The following CELSR3 variants were observed in gnomAD, a reference collection of about 807,000 sequenced individuals.
CELSR3 encodes EGF-like protein 1.
Under a neutral mutation model 270.0 loss-of-function variants are expected in CELSR3, and 73 were observed. That is an observed-to-expected ratio of 0.27 (90% CI 0.22 to 0.33). The LOEUF (loss-of-function observed/expected upper bound fraction) is 0.33. CELSR3 is among the 10% of genes least tolerant of loss of function. The pLI, the probability that CELSR3 is intolerant of heterozygous loss-of-function variation, is 1.00. For synonymous variants in CELSR3, 1,780 were observed against 1,905.4 expected, an observed-to-expected ratio of 0.93 and a Z score of 1.71; for missense variants, 3,614 against 4,533.8, an observed-to-expected ratio of 0.80 and a Z score of 5.83.
Position 48,638,382 on chromosome 3 carries a change from A to G in CELSR3, c.9912-150T>C, listed in dbSNP as rs913086251. 1.4e-5 allele frequency: 9 copies of G among 662,962 alleles called. 1 individual carries two copies. The East Asian group carries it at 2.4e-4, about 18-fold the overall frequency. 41.1% of individuals were successfully genotyped at this position (662,962 alleles called of 1,614,324 possible). A position where few individuals can be genotyped will look rare whatever the true frequency, so the allele number is the denominator to read the frequency against. On this transcript the variant is annotated intron_variant, in intron 34 of 34. Coordinates refer to ENST00000164024, the MANE Select transcript of CELSR3 (RefSeq NM_001407.3). Reference sequence around the variant, plus strand: ...CCCCCAGCCCCTTCATGCCCACTCCAGGGTTCTCAGAGTCCTCCATTCCGC... The same window carrying G: ...CCCCCAGCCCCTTCATGCCCACTCCGGGGTTCTCAGAGTCCTCCATTCCGC...
rs2047142474 is a variant in CELSR3, at chr3:48,652,054, GAC to G, written c.5752-8_5752-7del. ...GTGGAGCCGAGCCACACCCCCTGTG[GAC>G]ACACAGCCAGCAAGGGGTGAGACCA... On this transcript the variant is annotated splice_region_variant and splice_polypyrimidine_tract_variant and intron_variant, in intron 11 of 34. Coordinates refer to ENST00000164024, the MANE Select transcript of CELSR3 (RefSeq NM_001407.3). The surrounding 1 kb of genome is among the most constrained non-coding windows in gnomAD (Gnocchi z 4.3). 1 of 1,531,902 alleles carries G rather than the reference GAC, an allele frequency of 6.5e-7. No homozygotes were observed. The highest frequency in any genetic ancestry group is 8.7e-7 in the Non-Finnish European group (1 of 1,144,502). 94.9% of individuals were successfully genotyped at this position (1,531,902 alleles called of 1,614,324 possible).
rs774477406 is a variant in CELSR3 at position 48,660,503 on chromosome 3, C to T, written c.2132G>A (p.Ser711Asn). The T allele has an allele frequency of 6.2e-7, 1 of 1,614,172 alleles. No individual in the cohort carries two copies. The highest frequency in any genetic ancestry group is 2.2e-5 in the East Asian group (1 of 44,882). ...INSATGWVSV[S>N]GPLDRESVEH... ...CACAGACTCACGGTCCAGGGGACCA[C>T]TCACAGAGACCCAGCCAGTGGCGCT... The change falls in exon 1 of 35, where the codon AGT becomes AAT. Residue 711 changes from serine (S) to asparagine (N), a missense_variant. By Grantham distance (46) the Ser-to-Asn change is conservative (BLOSUM62 1). Transcript: ENST00000164024. The surrounding 1 kb of genome is among the most constrained non-coding windows in gnomAD (Gnocchi z 5.5).
chr3:48,651,455 G>C lies in CELSR3; in HGVS notation c.6090C>G (p.Gly2030=), dbSNP rs1443273083. The change falls in exon 14 of 35, where the codon GGC becomes GGG. Residue 2030 remains glycine, a synonymous_variant. Transcript: ENST00000164024. The surrounding 1 kb of genome is among the most constrained non-coding windows in gnomAD (Gnocchi z 7.4). ...GGCCACAGGTTGGGCTCCCCCACCA[G>C]CCCCGTGGGCACTGCTGGTCCATCC... is the stretch of plus-strand genomic sequence containing the variant. The part of the protein sequence containing the change: ...EHRMDQQCPR[G]WWGSPTCGPC... 6.2e-7 allele frequency: 1 copy of C among 1,613,906 alleles called. No individual in the cohort carries two copies. The highest frequency in any genetic ancestry group is 2.2e-5 in the East Asian group (1 of 44,878).
chr3:48,649,297 G>C, intron 16 of CELSR3, 82 bp from the exon 17 acceptor site: 1 of 1,127,016 alleles, frequency 8.9e-7, no homozygotes. Flanking sequence ...CTCCTATGCT[G>C]GGGGAATCCC....
rs777900048 is a variant in CELSR3 at position 48,645,144 on chromosome 3, G to C, written c.7863C>G (p.Phe2621Leu). The C allele has an allele frequency of 3.7e-6, 6 of 1,600,114 alleles. No individual in the cohort carries two copies. The highest frequency in any genetic ancestry group is 5.1e-6 in the Non-Finnish European group (6 of 1,169,492). Residue 2621 changes from phenylalanine (F) to leucine (L), a missense_variant, in exon 25 of 35, where the codon TTC becomes TTG. Phe to Leu is a conservative substitution (Grantham distance 22, BLOSUM62 0). This residue lies in a region of CELSR3 where 1,240 missense variants were observed against 1,351.7 expected (regional missense o/e 0.92). Coordinates refer to ENST00000164024, the MANE Select transcript of CELSR3 (RefSeq NM_001407.3). This position sits in a 1 kb window ranked among gnomAD's most constrained non-coding sequence, Gnocchi z 5.4. ...TGCGGTAGAGGTGCAGCCCCTGCAC[G>C]AAGAGCCACGCGAAGGTGCTGAGGA... ...YFFLSTFAWLFVQGLHLYRMQ... is the reference protein window; with the variant it reads ...YFFLSTFAWLLVQGLHLYRMQ...
rs1235123293 is a variant in CELSR3, at chr3:48,661,802, G to C, written c.833C>G (p.Ser278Cys). 6.2e-7 allele frequency: 1 copy of C among 1,608,612 alleles called. No individual in the cohort carries two copies. Among genetic ancestry groups the C allele is most frequent in the Non-Finnish European group, 8.5e-7 (1 of 1,179,178 alleles). ...APEPAPKRMR[S>C]RGLFRCRFLP... is the part of the protein sequence containing the mutation. ...GAAGCGGCAGCGGAAGAGACCCCGG[G>C]AGCGCATGCGCTTGGGCGCCGGCTC... Residue 278 changes from serine (S) to cysteine (C), a missense_variant, in exon 1 of 35, where the codon TCC becomes TGC. Physicochemically the swap from Ser to Cys is moderately radical, Grantham distance 112. This residue lies in a region of CELSR3 where 470 missense variants were observed against 469.7 expected (regional missense o/e 1.00). Transcript: ENST00000164024.
At position 48,644,924 on chromosome 3, in the gene CELSR3, C is replaced by A. The variant is rs2047065169; in HGVS notation, c.7973-96G>T. 9.9e-6 allele frequency: 15 copies of A among 1,514,120 alleles called. No individual in the cohort carries two copies. In the South Asian group the frequency reaches 1.8e-4, roughly 18 times the overall value. The allele number at this position is 1,514,120 out of a possible 1,614,324, so 93.8% of individuals were successfully genotyped here. A position where few individuals can be genotyped will look rare whatever the true frequency, so the allele number is the denominator to read the frequency against. ...AGCATGGGTGAGGGCAGAGCAGCAA[C>A]CCCATGAATAGATGGCTTGGGGTTT... is the stretch of plus-strand genomic sequence containing the variant. On this transcript the variant is annotated intron_variant, in intron 25 of 34. Coordinates refer to ENST00000164024, the MANE Select transcript of CELSR3 (RefSeq NM_001407.3). This position sits in a 1 kb window ranked among gnomAD's most constrained non-coding sequence, Gnocchi z 4.8.
Position 48,640,907 on chromosome 3 carries a change from C to G in CELSR3, c.9026-348G>C, listed in dbSNP as rs2047020300. On this transcript the variant is annotated intron_variant, in intron 33 of 34. Coordinates refer to ENST00000164024, the MANE Select transcript of CELSR3 (RefSeq NM_001407.3). This position sits in a 1 kb window ranked among gnomAD's most constrained non-coding sequence, Gnocchi z 7.5. ...AAATGCAGGAACCCCCCGGGTTGGA[C>G]AGGAGCAGTCCCCAGGTCCCTGTGA... 4.7e-6 allele frequency: 2 copies of G among 425,316 alleles called. No homozygotes were observed. The highest frequency in any genetic ancestry group is 4.2e-6 in the Non-Finnish European group (1 of 237,458). 26.3% of individuals were successfully genotyped at this position (425,316 alleles called of 1,614,324 possible). A position where few individuals can be genotyped will look rare whatever the true frequency, so the allele number is the denominator to read the frequency against.
intron 16 of CELSR3, among the ~76,000 whole-genome samples, chr3:48,649,750 A>T (rs1311212855): frequency 6.6e-6 from 1 of 152,148 alleles, no homozygotes; most frequent in African/African-American, 2.4e-5. Flanking sequence ...ATGAGAATTG[A>T]CTTGGATCTT....
In CELSR3 at chr3:48,652,965, G is replaced by A. The variant is rs1300339640; in HGVS notation, c.5634+37C>T. On this transcript the variant is annotated intron_variant, in intron 10 of 34. Transcript: ENST00000164024. The surrounding 1 kb of genome is among the most constrained non-coding windows in gnomAD (Gnocchi z 4.3). Reference sequence around the variant, plus strand: ...TCAAATAAGGCGGATCTGGTTGGAAGGCTGAGAACAGACTACCCCGGGGTC... The same window carrying A: ...TCAAATAAGGCGGATCTGGTTGGAAAGCTGAGAACAGACTACCCCGGGGTC... 6.3e-7 allele frequency: 1 copy of A among 1,580,708 alleles called. No homozygotes were observed. The highest frequency in any genetic ancestry group is 1.1e-5 in the South Asian group (1 of 89,754).
chr3:48,650,832 C>T lies in CELSR3; in HGVS notation c.6370+60G>A, dbSNP rs1054050348. 5.8e-6 allele frequency: 9 copies of T among 1,547,254 alleles called. No homozygotes were observed. Among genetic ancestry groups the T allele is most frequent in the East Asian group, 2.3e-5 (1 of 44,420 alleles). On this transcript the variant is annotated intron_variant, in intron 15 of 34. Coordinates refer to ENST00000164024, the MANE Select transcript of CELSR3 (RefSeq NM_001407.3). The surrounding 1 kb of genome is among the most constrained non-coding windows in gnomAD (Gnocchi z 5.1). ...CAAGGAGCCATGTGTGCCACTGACA[C>T]GTGATGGTGGCACACTGGAACCAGC...
In CELSR3 at chr3:48,640,329, C is replaced by T; in HGVS notation, c.9256G>A (p.Glu3086Lys). Residue 3086 changes from glutamate (E) to lysine (K), a missense_variant, in exon 34 of 35, where the codon GAG (glutamate) becomes AAG (lysine). By Grantham distance (56) the Glu-to-Lys change is moderately conservative (BLOSUM62 1). This residue lies in a region of CELSR3 where 1,240 missense variants were observed against 1,351.7 expected (regional missense o/e 0.92). Transcript: ENST00000164024. The surrounding 1 kb of genome is among the most constrained non-coding windows in gnomAD (Gnocchi z 7.5). ...CGTAGAACAGGGGCAGGGGCTTCCTCTAGTCGCTCACGGCTCAGTTGCCGC... is the reference window on the plus strand; with the variant it reads ...CGTAGAACAGGGGCAGGGGCTTCCTTTAGTCGCTCACGGCTCAGTTGCCGC... ...LRRQLSRERL[E>K]EAPAPVLRPL... The T allele has an allele frequency of 6.2e-6, 10 of 1,612,616 alleles. No homozygotes were observed. Among genetic ancestry groups the T allele is most frequent in the Non-Finnish European group, 8.5e-6 (10 of 1,179,876 alleles).
Position 48,639,556 on chromosome 3 carries a change from G to A in CELSR3, c.9911+118C>T. The A allele has an allele frequency of 7.2e-7, 1 of 1,379,780 alleles. No homozygotes were observed. Among genetic ancestry groups the A allele is most frequent in the East Asian group, 2.3e-5 (1 of 43,222 alleles). The allele number at this position is 1,379,780 out of a possible 1,614,324, so 85.5% of individuals were successfully genotyped here. ...GGCCCTCTGGCTGTGCTGAGCCTGG[G>A]GTAGCCCACACCTGTCTGCCAGCCC... On this transcript the variant is annotated intron_variant, in intron 34 of 34. Coordinates refer to ENST00000164024, the MANE Select transcript of CELSR3 (RefSeq NM_001407.3). The surrounding 1 kb of genome is among the most constrained non-coding windows in gnomAD (Gnocchi z 4.1).
At position 48,660,043 on chromosome 3, in the gene CELSR3, T is replaced by G. The variant is rs1403123459; in HGVS notation, c.2592A>C (p.Ser864=). The change falls in exon 1 of 35, where the codon TCA becomes TCC. Residue 864 remains serine, a synonymous_variant. Coordinates refer to ENST00000164024, the MANE Select transcript of CELSR3 (RefSeq NM_001407.3). The surrounding 1 kb of genome is among the most constrained non-coding windows in gnomAD (Gnocchi z 5.5). ...HRPVFQSAHY[S]VSVNEDRPMG... is the part of the protein sequence containing the mutation. ...TTGGCCGATCTTCATTCACACTCAC[T>G]GAGTAGTGGGCACTTTGAAAGACCG... 23 of 1,614,062 alleles carry G rather than the reference T, an allele frequency of 1.4e-5. No homozygotes were observed. The highest frequency in any genetic ancestry group is 1.8e-5 in the Non-Finnish European group (21 of 1,180,042).
At position 48,652,000 on chromosome 3, in the gene CELSR3, G is replaced by T. The variant is rs560831990; in HGVS notation, c.5800C>A (p.Pro1934Thr). 5.0e-6 allele frequency: 8 copies of T among 1,586,540 alleles called. No homozygotes were observed. The highest frequency in any genetic ancestry group is 2.2e-5 in the East Asian group (1 of 44,638). Reference sequence around the variant, plus strand: ...GGCTCCGCATTCACTCGGTGGCTGGGGGGTAGCAGGGCCGGGGAGCCAGAG... The same window carrying T: ...GGCTCCGCATTCACTCGGTGGCTGGTGGGTAGCAGGGCCGGGGAGCCAGAG... ...TPSGSPALLP[P>T]SHRVNAEPGC... Residue 1934 changes from proline to threonine, a missense_variant, in exon 12 of 35, where the codon CCC (proline) becomes ACC (threonine). Around this residue, in one of 7 missense-constraint regions of CELSR3, gnomAD observed 1,331 missense variants for 1,933.7 expected, o/e 0.69. Coordinates refer to ENST00000164024, the MANE Select transcript of CELSR3 (RefSeq NM_001407.3). This position sits in a 1 kb window ranked among gnomAD's most constrained non-coding sequence, Gnocchi z 7.4.
chr3:48,656,217 A>T lies in CELSR3; in HGVS notation c.4548T>A (p.Ala1516=). The T allele has an allele frequency of 6.5e-7, 1 of 1,536,656 alleles. No homozygotes were observed. Among genetic ancestry groups the T allele is most frequent in the Non-Finnish European group, 8.7e-7 (1 of 1,147,294 alleles). Residue 1516 remains alanine (A), a synonymous_variant, in exon 3 of 35, where the codon GCT becomes GCA. Coordinates refer to ENST00000164024, the MANE Select transcript of CELSR3 (RefSeq NM_001407.3). ...GAFEGPRCEV[A]ARSFPPSSFV... ...ACGAACTGGGCGGGAAGGAGCGCGC[A>T]GCCACCTCGCAGCGCGGGCCCTCGA...
At position 48,640,528 on chromosome 3, in the gene CELSR3, C is replaced by G. The variant is rs970786791; in HGVS notation, c.9057G>C (p.Leu3019=). ...GILKNRLQYP[L]VPQTRGAPEL... ...CAGGGGCACCTCGGGTCTGTGGCAC[C>G]AGTGGGTATTGCAACCGGTTCTTCA... Residue 3019 remains leucine, a synonymous_variant, in exon 34 of 35, where the codon CTG becomes CTC. Transcript: ENST00000164024. This position sits in a 1 kb window ranked among gnomAD's most constrained non-coding sequence, Gnocchi z 7.5. 1 of 1,597,772 alleles carries G rather than the reference C, an allele frequency of 6.3e-7. No homozygotes were observed. Among genetic ancestry groups the G allele is most frequent in the Non-Finnish European group, 8.5e-7 (1 of 1,169,974 alleles).
rs1031274795 is a variant in CELSR3, at chr3:48,641,485, A to G, written c.8864T>C (p.Leu2955Pro). The change falls in exon 33 of 35, where the codon CTG (leucine) becomes CCG (proline). Residue 2955 changes from leucine (L) to proline (P), a missense_variant. Coordinates refer to ENST00000164024, the MANE Select transcript of CELSR3 (RefSeq NM_001407.3). This position sits in a 1 kb window ranked among gnomAD's most constrained non-coding sequence, Gnocchi z 4.8. ...ACAGGGGGCTGCCTCGCACTCCCCC[A>G]GGGCTGGCCAGTAGGACAGGAGGTC... is the stretch of plus-strand genomic sequence containing the variant. ...GNDLLSYWPALGECEAAPCAL... is the reference protein window; with the variant it reads ...GNDLLSYWPAPGECEAAPCAL... The G allele has an allele frequency of 6.2e-7, 1 of 1,612,326 alleles. No individual in the cohort carries two copies. The highest frequency in any genetic ancestry group is 8.5e-7 in the Non-Finnish European group (1 of 1,179,826).
In CELSR3 at chr3:48,658,684, A is replaced by G. The variant is rs1378462313; in HGVS notation, c.3748+203T>C. 6.6e-6 allele frequency among the ~76,000 whole-genome samples: 1 copy of G among 152,178 alleles called. No individual in the cohort carries two copies. The highest frequency in any genetic ancestry group is 1.5e-5 in the Non-Finnish European group (1 of 68,008). The stretch of plus-strand genomic sequence containing the variant: ...GGGGTCTGCTAGATGCCTTGGAATC[A>G]CTGGGATTCTGTGGAGATTATCCAG... On this transcript the variant is annotated intron_variant, in intron 1 of 34. Transcript: ENST00000164024. The surrounding 1 kb of genome is among the most constrained non-coding windows in gnomAD (Gnocchi z 4.7).
Sources: gnomAD v4.1 joint callset for allele counts (sites outside exome capture counted in the v4.1 genomes callset) on GRCh38, gnomAD v4.1.1 for gene constraint, gnomAD v4.1.1 regional missense constraint, Gnocchi (gnomAD v3.1) non-coding constraint, MANE v1.5 for transcripts, NCBI Gene and HGNC (gene_info 2026-07-23, HGNC 2026-07-21) for gene names.